Variants in FER1L5 observed in about 807,000 individuals in gnomAD.
The protein encoded by FER1L5 is fer-1-like protein 5.
FER1L5 carries 187 observed loss-of-function variants against 279.9 expected under a neutral mutation model. That is an observed-to-expected ratio of 0.67 (90% CI 0.59 to 0.75). The LOEUF (loss-of-function observed/expected upper bound fraction) is 0.75. FER1L5 is among the 30% of genes least tolerant of loss of function. The pLI is 0.00. For synonymous variants in FER1L5, 921 were observed against 989.7 expected, an observed-to-expected ratio of 0.93 and a Z score of 1.30; for missense variants, 2,091 against 2,594.4, an observed-to-expected ratio of 0.81 and a Z score of 4.21.
In FER1L5 at chr2:96,661,734, C is replaced by A. The variant is rs778242619; in HGVS notation, c.961C>A (p.Pro321Thr). Residue 321 changes from proline (P) to threonine (T), a missense_variant, in exon 12 of 53, where the codon CCG (proline) becomes ACG (threonine). Coordinates refer to ENST00000624922, the MANE Select transcript of FER1L5 (RefSeq NM_001293083.2). ...DIQIFKSAVV[P>T]INMAYLQLFI... The stretch of plus-strand genomic sequence containing the variant: ...TCAGATCTTCAAGTCAGCGGTAGTC[C>A]CGATCAACATGGCTTACTTACAGCT... 2 of 1,551,688 alleles carry A rather than the reference C, an allele frequency of 1.3e-6. No individual in the cohort carries two copies. Among genetic ancestry groups the A allele is most frequent in the South Asian group, 2.4e-5 (2 of 84,066 alleles).
chr2:96,661,636 CCTTGACTATA>C (rs1356499367), intron 11 of FER1L5, 22 bp from the exon 12 acceptor site: 1 of 1,551,296 alleles, frequency 6.4e-7, no homozygotes, highest in Non-Finnish European at 8.7e-7. Context: ...CTCCCCATTA[CCTTGACTATA>C]TCAGCTCTCT....
In FER1L5 at chr2:96,691,606, G is replaced by A; in HGVS notation, c.3069G>A (p.Gly1023=). The A allele has an allele frequency of 6.6e-7, 1 of 1,524,108 alleles. No individual in the cohort carries two copies. The allele number at this position is 1,524,108 out of a possible 1,614,324, so 94.4% of individuals were successfully genotyped here. The change falls in exon 29 of 53, where the codon GGG becomes GGA. Residue 1023 remains glycine (G), a synonymous_variant. Transcript: ENST00000624922. This position sits in a 1 kb window ranked among gnomAD's most constrained non-coding sequence, Gnocchi z 6.0. ...KGIAPIFLLE[G]SLAMDLKYHA... ...TCGCGCCCATATTCCTCCTGGAGGGGTCCTTGGTAAAGCCTCACAGGCTGG... is the reference window on the plus strand; with the variant it reads ...TCGCGCCCATATTCCTCCTGGAGGGATCCTTGGTAAAGCCTCACAGGCTGG...
chr2:96,703,930 C>T (rs1487523631), intron 51 of FER1L5, among the ~76,000 whole-genome samples: 1 of 151,372 alleles, frequency 6.6e-6, no homozygotes. Context: ...ATTCTCCTGC[C>T]TCAGCCTCCT....
At chr2:96,688,875 A>G (rs2077033844) in intron 24 of FER1L5, 3 of 236,902 alleles carry the variant, frequency 1.3e-5, no homozygotes, top group Non-Finnish European at 2.4e-5. Context: ...GGCCTTTTCA[A>G]CCACACTCTC....
At chr2:96,660,739 A>C (rs2075923270) in intron 10 of FER1L5, among the ~76,000 whole-genome samples, 1 of 152,144 alleles carries the variant, frequency 6.6e-6, no homozygotes, top group African/African-American at 2.4e-5. Flanking sequence ...TTTTTAGTAG[A>C]GATGGGGTTT....
At position 96,703,581 on chromosome 2, in the gene FER1L5, C is replaced by T; in HGVS notation, c.5750C>T (p.Ala1917Val). ...GAGAAGGAAGCCTTAATCAAGCCAGCCGGGCGAGGCCAGTCGGAACCCAAC... is the reference window on the plus strand; with the variant it reads ...GAGAAGGAAGCCTTAATCAAGCCAGTCGGGCGAGGCCAGTCGGAACCCAAC... ...LSEKEALIKP[A>V]GRGQSEPNQY... The change falls in exon 51 of 53, where the codon GCC becomes GTC. Residue 1917 changes from alanine (A) to valine (V), a missense_variant. Ala to Val is a moderately conservative substitution (Grantham distance 64, BLOSUM62 0). Transcript: ENST00000624922. 6.2e-7 allele frequency: 1 copy of T among 1,613,958 alleles called. No individual in the cohort carries two copies. The highest frequency in any genetic ancestry group is 8.5e-7 in the Non-Finnish European group (1 of 1,179,874).
In FER1L5 at chr2:96,651,876, T is replaced by A. The variant is rs1314232029; in HGVS notation, c.505-16T>A. ...GAAGGCCCTCAATATCAGCTCCCCATGTGTTCCGCCCTTAGGTTCGAGTGA... is the reference window on the plus strand; with the variant it reads ...GAAGGCCCTCAATATCAGCTCCCCAAGTGTTCCGCCCTTAGGTTCGAGTGA... On this transcript the variant is annotated splice_polypyrimidine_tract_variant and intron_variant, in intron 6 of 52. Transcript: ENST00000624922. 1 of 1,552,048 alleles carries A rather than the reference T, an allele frequency of 6.4e-7. No homozygotes were observed. The highest frequency in any genetic ancestry group is 2.0e-5 in the Admixed American group (1 of 50,998).
chr2:96,685,769 A>T (rs1407874102), intron 21 of FER1L5, among the ~76,000 whole-genome samples, 171 bp from the exon 22 acceptor site: 1 of 152,142 alleles, frequency 6.6e-6, no homozygotes, highest in Non-Finnish European at 1.5e-5. Flanking sequence ...CTGGACACAC[A>T]GCGAGCAGGC....
At chr2:96,697,820 A>T in intron 39 of FER1L5, 59 bp downstream of exon 39, 1 of 1,574,936 alleles carries the variant, frequency 6.3e-7, no homozygotes, top group Non-Finnish European at 8.7e-7. Flanking sequence ...AGGCCAGCAG[A>T]GCTAGCCTTG....
chr2:96,659,511 AG>A (rs1221768548), intron 9 of FER1L5, among the ~76,000 whole-genome samples: 603 of 15,744 alleles, frequency 0.038, 198 homozygotes, highest in African/African-American at 0.27. Context: ...CTTTCTTTCG[AG>A]ACAGAGTCTC....
Position 96,647,164 on chromosome 2 carries a change from G to A in FER1L5, c.230+9G>A. 6.4e-7 allele frequency: 1 copy of A among 1,551,564 alleles called. No homozygotes were observed. Among genetic ancestry groups the A allele is most frequent in the Non-Finnish European group, 8.7e-7 (1 of 1,146,916 alleles). Reference sequence around the variant, plus strand: ...TCACAAAAGAAAGAAAGGTGAGGCAGAGAGAGGCAGGAGGAGCCTAGCTCC... The same window carrying A: ...TCACAAAAGAAAGAAAGGTGAGGCAAAGAGAGGCAGGAGGAGCCTAGCTCC... On this transcript the variant is annotated intron_variant, in intron 3 of 52. Transcript: ENST00000624922.
chr2:96,700,431 C>T lies in FER1L5; in HGVS notation c.5030C>T (p.Thr1677Ile), dbSNP rs370558976. 2.5e-6 allele frequency: 4 copies of T among 1,613,794 alleles called. No individual in the cohort carries two copies. The highest frequency in any genetic ancestry group is 2.5e-6 in the Non-Finnish European group (3 of 1,179,894). ...GGGCTGGTACCTGAGCACGTGGAGA[C>T]CCGCACACTGTACAGCCACAGCCAG... is the stretch of plus-strand genomic sequence containing the variant. Reference protein sequence around the residue: ...TQGLVPEHVETRTLYSHSQPG... With the variant: ...TQGLVPEHVEIRTLYSHSQPG... Residue 1677 changes from threonine to isoleucine, a missense_variant, in exon 45 of 53, where the codon ACC becomes ATC. By Grantham distance (89) the Thr-to-Ile change is moderately conservative. Transcript: ENST00000624922.
rs1573815828 is a variant in FER1L5, at chr2:96,659,354, C to CTTCTTTCTTTCTTTCT, written c.748-984_748-983insTTTCTTTCTTTCTTTC. ...CCTTCCTTCCTTCCTTCCTTCCTTCCTTCCTTCCTTCTTTCTTTCTTTCTT... is the reference window on the plus strand; with the variant it reads ...CCTTCCTTCCTTCCTTCCTTCCTTCCTTCTTTCTTTCTTTCTTTCCTTCCTTCTTTCTTTCTTTCTT... On this transcript the variant is annotated intron_variant, in intron 9 of 52. Coordinates refer to ENST00000624922, the MANE Select transcript of FER1L5 (RefSeq NM_001293083.2). 6.2e-5 allele frequency among the ~76,000 whole-genome samples: 4 copies of CTTCTTTCTTTCTTTCT among 64,430 alleles called. 1 individual carries two copies. The East Asian group carries it at 2.6e-3, about 41-fold the overall frequency. 42.3% of individuals were successfully genotyped at this position (64,430 alleles called of 152,430 possible). A position where few individuals can be genotyped will look rare whatever the true frequency, so the allele number is the denominator to read the frequency against.
chr2:96,650,036 G>A, intron 5 of FER1L5, 144 bp from the exon 6 acceptor site: 1 of 667,062 alleles, frequency 1.5e-6, no homozygotes, highest in Non-Finnish European at 2.7e-6. Context: ...ATGTTCTGGG[G>A]AGGACATATG....
At chr2:96,697,166 T>C (rs923636433) in intron 37 of FER1L5, among the ~76,000 whole-genome samples, 1 of 152,134 alleles carries the variant, frequency 6.6e-6, no homozygotes, top group East Asian at 1.9e-4. Flanking sequence ...CAACTATTGC[T>C]CTAAAGTGGC....
At chr2:96,654,606 A>G (rs2075519449) in intron 9 of FER1L5, 110 bp downstream of exon 9, 1 of 393,398 alleles carries the variant, frequency 2.5e-6, no homozygotes, top group South Asian at 1.3e-4. Flanking sequence ...TCACACAGAA[A>G]GATCCAGACT....
rs1331278274 is a variant in FER1L5, at chr2:96,661,419, C to T, written c.873C>T (p.Leu291=). 20 of 1,551,434 alleles carry T rather than the reference C, an allele frequency of 1.3e-5. No homozygotes were observed. Among genetic ancestry groups the T allele is most frequent in the Admixed American group, 3.9e-5 (2 of 50,908 alleles). Reference sequence around the variant, plus strand: ...ACCTGAAAGTCACCATCTATGCCCTCGGTGTGGGAGACCAGGCCCTGGTGA... The same window carrying T: ...ACCTGAAAGTCACCATCTATGCCCTTGGTGTGGGAGACCAGGCCCTGGTGA... The part of the protein sequence containing the change: ...TGYLKVTIYA[L]GVGDQALIDQ... Residue 291 remains leucine (L), a synonymous_variant, in exon 11 of 53, where the codon CTC becomes CTT. Coordinates refer to ENST00000624922, the MANE Select transcript of FER1L5 (RefSeq NM_001293083.2).
rs1453185980 is a variant in FER1L5 at position 96,684,312 on chromosome 2, G to A, written c.1670-15G>A. 3.2e-6 allele frequency: 5 copies of A among 1,550,654 alleles called. No homozygotes were observed. The highest frequency in any genetic ancestry group is 1.4e-5 in the African/African-American group (1 of 73,144). On this transcript the variant is annotated splice_polypyrimidine_tract_variant and intron_variant, in intron 19 of 52. Transcript: ENST00000624922. ...CCCCAGACACCCCATCCCTCCATGT[G>A]TCTCTGTGTCTCAGGGAACATCTAC...
At chr2:96,685,088 C>T (rs2106634179) in intron 20 of FER1L5, among the ~76,000 whole-genome samples, 1 of 152,196 alleles carries the variant, frequency 6.6e-6, no homozygotes, top group Admixed American at 6.5e-5. Context: ...CTCTGCACTG[C>T]TTTCCCAGTC....
Sources: gnomAD v4.1 joint callset for allele counts (sites outside exome capture counted in the v4.1 genomes callset) on GRCh38, gnomAD v4.1.1 for gene constraint, Gnocchi (gnomAD v3.1) non-coding constraint, MANE v1.5 for transcripts, NCBI Gene and HGNC (gene_info 2026-07-23, HGNC 2026-07-21) for gene names.